Variants in RMST observed in about 807,000 individuals in gnomAD.
RMST encodes rhabdomyosarcoma 2 associated transcript.
intron 11 of RMST, among the ~76,000 whole-genome samples, chr12:97,549,981 A>G (rs987098413): frequency 8.5e-5 from 13 of 152,236 alleles, no homozygotes; most frequent in Admixed American, 6.5e-4. Flanking sequence ...TTCCCGTTTT[A>G]TATGCCAAGA....
chr12:97,503,852 G>A (rs1396117882), intron 10 of RMST, among the ~76,000 whole-genome samples: 1 of 152,160 alleles, frequency 6.6e-6, no homozygotes, highest in South Asian at 2.1e-4. Flanking sequence ...TGCATCTTAA[G>A]ATGCTCACAG....
At chr12:97,533,354 A>G in intron 11 of RMST, 1 of 151,780 alleles carries the variant, frequency 6.6e-6, no homozygotes, top group Non-Finnish European at 1.5e-5. Context: ...TTAAATCTAC[A>G]TGATGTCTCC....
chr12:97,531,338 ACTTAAGTCG>A (rs1297974211), intron 11 of RMST, among the ~76,000 whole-genome samples: 2 of 152,138 alleles, frequency 1.3e-5, no homozygotes, highest in East Asian at 3.9e-4. Context: ...TAAGGTCTTG[ACTTAAGTCG>A]CACAACATAA....
At chr12:97,513,190 T>C (rs1045801549) in intron 10 of RMST, among the ~76,000 whole-genome samples, 1 of 152,154 alleles carries the variant, frequency 6.6e-6, no homozygotes, top group Non-Finnish European at 1.5e-5. Context: ...GCTCCCACAG[T>C]GCAGTGGCAG....
chr12:97,527,504 A>G (rs17027126), intron 10 of RMST, among the ~76,000 whole-genome samples: 6,188 of 152,252 alleles, frequency 0.041, 167 homozygotes, highest in East Asian at 0.055. Context: ...CAAGTGCCCC[A>G]CATTAGAAAA....
At chr12:97,514,876 T>C (rs905580871) in intron 10 of RMST, among the ~76,000 whole-genome samples, 1 of 152,146 alleles carries the variant, frequency 6.6e-6, no homozygotes, top group African/African-American at 2.4e-5. Context: ...AAATGAAAAG[T>C]TCTGCTGCTA....
chr12:97,549,809 G>A (rs1224199607), intron 11 of RMST, among the ~76,000 whole-genome samples: 1 of 152,074 alleles, frequency 6.6e-6, no homozygotes, highest in East Asian at 1.9e-4. Context: ...GAAATAGATG[G>A]GTCAATTTTG....
chr12:97,550,673 C>T (rs1883248524), intron 11 of RMST, among the ~76,000 whole-genome samples: 1 of 152,196 alleles, frequency 6.6e-6, no homozygotes, highest in Non-Finnish European at 1.5e-5. Context: ...ATTTTCTCGA[C>T]TTTATTATTC....
At chr12:97,558,103 C>T (rs76638151) in intron 11 of RMST, among the ~76,000 whole-genome samples, 2,859 of 152,306 alleles carry the variant, frequency 0.019, 50 homozygotes, top group Non-Finnish European at 0.025. Context: ...ACCTCCTCCT[C>T]GTTCTTCTTA....
At chr12:97,472,050 T>C (rs1174220291) in intron 5 of RMST, among the ~76,000 whole-genome samples, 1 of 152,122 alleles carries the variant, frequency 6.6e-6, no homozygotes, top group Non-Finnish European at 1.5e-5. Flanking sequence ...TGGAGTCCTC[T>C]GTTTTGTTAG....
intron 10 of RMST, among the ~76,000 whole-genome samples, chr12:97,515,823 G>A (rs11109086): frequency 0.11 from 16,382 of 151,922 alleles, 1,320 homozygotes; most frequent in East Asian, 0.24. Flanking sequence ...GAAAATATAT[G>A]TTTATGTATT....
intron 11 of RMST, chr12:97,533,429 T>C (rs917312573): frequency 6.6e-6 from 1 of 151,896 alleles, no homozygotes; most frequent in African/African-American, 2.4e-5. Flanking sequence ...TTATTTCTGA[T>C]GTCTGGAATT....
chr12:97,550,332 C>T (rs1377539411), intron 11 of RMST, among the ~76,000 whole-genome samples: 5 of 152,142 alleles, frequency 3.3e-5, no homozygotes, highest in Middle Eastern at 3.4e-3. Context: ...GCGGAGGTTG[C>T]GGTGAGCCAA....
At chr12:97,511,767 G>T (rs1047418297) in intron 10 of RMST, among the ~76,000 whole-genome samples, 7 of 152,168 alleles carry the variant, frequency 4.6e-5, no homozygotes, top group African/African-American at 1.4e-4. Context: ...TTACTTTGTA[G>T]TTGAAACTAG....
chr12:97,534,993 G>A (rs1196827670), intron 11 of RMST, among the ~76,000 whole-genome samples: 2 of 151,586 alleles, frequency 1.3e-5, no homozygotes, highest in Non-Finnish European at 3.0e-5. Context: ...AGGAGAGATA[G>A]CAAGTGGCAG....
Position 97,556,991 on chromosome 12 carries a change from T to A in RMST, n.1546-3546T>A, listed in dbSNP as rs116437273. Among the ~76,000 whole-genome samples, 671 of 152,314 alleles carry A rather than the reference T, an allele frequency of 4.4e-3. 6 individuals are homozygous for A. The highest frequency in any genetic ancestry group is 0.016 in the African/African-American group (649 of 41,564). ...CCAAAGTTCATCTTCATAATATGGC[T>A]TGTCTTTTTCACTTAAAACAAGGTG... On this transcript the variant is annotated intron_variant and non_coding_transcript_variant, in intron 11 of 13. Transcript: ENST00000640149.
intron 10 of RMST, among the ~76,000 whole-genome samples, chr12:97,522,019 C>CTATG (rs1405576532): frequency 6.6e-6 from 1 of 152,138 alleles, no homozygotes; most frequent in Non-Finnish European, 1.5e-5. Flanking sequence ...CACTCTTAGT[C>CTATG]TATGATGATT....
chr12:97,463,644 T>C (rs1872842656), intron 4 of RMST, among the ~76,000 whole-genome samples: 1 of 152,198 alleles, frequency 6.6e-6, no homozygotes, highest in African/African-American at 2.4e-5. Flanking sequence ...CATTCTTAAT[T>C]TGTAATTATT....
At position 97,480,321 on chromosome 12, in the gene RMST, A is replaced by ACCTCG. The variant is rs941197281; in HGVS notation, n.645-12139_645-12135dup. Among the ~76,000 whole-genome samples the ACCTCG allele has an allele frequency of 1.1e-3, 161 of 151,774 alleles. 3 individuals carry two copies. The highest frequency in any genetic ancestry group is 3.7e-3 in the African/African-American group (155 of 41,420). On this transcript the variant is annotated intron_variant and non_coding_transcript_variant, in intron 5 of 13. Transcript: ENST00000640149. ...TAGCTAGGATGGTCTCAATCTTCTG[A>ACCTCG]CCTCGTGATCTGCCCGCCTCAGCCT...
Sources: allele counts gnomAD v4.1 joint callset (sites outside exome capture counted in the v4.1 genomes callset), GRCh38; gene constraint gnomAD v4.1.1; transcripts MANE v1.5; gene names NCBI Gene and HGNC (gene_info 2026-07-23, HGNC 2026-07-21).